The following RAB6A variants were observed in gnomAD, a reference collection of about 807,000 sequenced individuals.
The protein encoded by RAB6A is RAB6A, member RAS oncogene family.
In RAB6A, 8 loss-of-function variants were observed where a neutral mutation model predicts 32.3. The ratio of observed to expected loss-of-function variants is 0.25; its 90% CI spans 0.15 to 0.45. The LOEUF is 0.45. Ranked by LOEUF, RAB6A falls within the 20% of genes least tolerant of loss-of-function variation. The pLI is 1.00. For missense variants in RAB6A, 104 were observed against 249.4 expected (o/e 0.42, Z 3.93); for synonymous variants, 73 against 82.1 (o/e 0.89, Z 0.60).
At chr11:73,695,745 CTTA>C (rs762618018) in intron 6 of RAB6A, among the ~76,000 whole-genome samples, 5 of 152,146 alleles carry the variant, frequency 3.3e-5, no homozygotes, top group Non-Finnish European at 7.4e-5. Flanking sequence ...CCCTAAGAAA[CTTA>C]TTAAGTCCAC....
chr11:73,718,913 T>C (rs878999508), intron 3 of RAB6A, 195 bp from the exon 4 acceptor site: 4 of 1,166,942 alleles, frequency 3.4e-6, no homozygotes, highest in African/African-American at 4.0e-5. Flanking sequence ...AAAAAATAAA[T>C]AAAAAAAAAA....
At chr11:73,695,973 G>A (rs1945648796) in intron 6 of RAB6A, among the ~76,000 whole-genome samples, 1 of 152,118 alleles carries the variant, frequency 6.6e-6, no homozygotes, top group African/African-American at 2.4e-5. Flanking sequence ...ATACACTGGA[G>A]AAGGAGATTT....
chr11:73,709,854 TATATAC>T lies in RAB6A; in HGVS notation c.402-2347_402-2342del, dbSNP rs1271199150. Among the ~76,000 whole-genome samples the T allele has an allele frequency of 6.0e-3, 315 of 52,146 alleles. 2 individuals are homozygous for T. Among genetic ancestry groups the T allele is most frequent in the African/African-American group, 0.014 (276 of 19,148 alleles). The allele number at this position is 52,146 out of a possible 152,430, so 34.2% of individuals were successfully genotyped here. A position where few individuals can be genotyped will look rare whatever the true frequency, so the allele number is the denominator to read the frequency against. Reference sequence around the variant, plus strand: ...ATACATATATACACATATATATACATATATACATATATACACATATACATACATATA... The same window carrying T: ...ATACATATATACACATATATATACATATATATACACATATACATACATATA... On this transcript the variant is annotated intron_variant, in intron 5 of 7. Transcript: ENST00000336083.
intron 1 of RAB6A, among the ~76,000 whole-genome samples, chr11:73,759,758 A>C (rs149685305): frequency 6.6e-6 from 1 of 152,342 alleles, no homozygotes; most frequent in East Asian, 1.9e-4. Flanking sequence ...GATGAGAAAA[A>C]TTCCAAGTAA....
intron 6 of RAB6A, among the ~76,000 whole-genome samples, chr11:73,696,652 C>T (rs1160669641): frequency 6.6e-6 from 1 of 152,026 alleles, no homozygotes; most frequent in Non-Finnish European, 1.5e-5. Context: ...CAAGGTCTTG[C>T]TCTGTCTCCC....
chr11:73,760,040 CT>C (rs1211281294), intron 1 of RAB6A: 1 of 1,289,330 alleles, frequency 7.8e-7, no homozygotes, highest in South Asian at 1.2e-5. Context: ...ACTACCACCC[CT>C]TCCCACCTTC....
chr11:73,737,651 A>G (rs943863597), intron 1 of RAB6A, among the ~76,000 whole-genome samples: 17 of 152,210 alleles, frequency 1.1e-4, no homozygotes, highest in African/African-American at 3.9e-4. Flanking sequence ...GCTTCAAAAC[A>G]AATGAACCTT....
chr11:73,680,118 T>TAAATAATAA (rs1018757821), intron 6 of RAB6A, among the ~76,000 whole-genome samples: 17 of 151,624 alleles, frequency 1.1e-4, no homozygotes, highest in African/African-American at 3.9e-4. Flanking sequence ...AATAAATAAA[T>TAAATAATAA]AATAAAATAA....
intron 1 of RAB6A, among the ~76,000 whole-genome samples, chr11:73,734,465 C>G (rs941661038): frequency 6.6e-6 from 1 of 152,012 alleles, no homozygotes; most frequent in Non-Finnish European, 1.5e-5. Flanking sequence ...AAATGGCAAA[C>G]CCAAATTGGA....
intron 1 of RAB6A, among the ~76,000 whole-genome samples, chr11:73,749,515 A>G (rs1284983129): frequency 6.6e-6 from 1 of 152,146 alleles, no homozygotes; most frequent in African/African-American, 2.4e-5. Flanking sequence ...CTGAAAAATA[A>G]AAGTTGTACA....
chr11:73,703,473 G>A (rs1022098624), intron 6 of RAB6A, among the ~76,000 whole-genome samples: 1 of 152,234 alleles, frequency 6.6e-6, no homozygotes, highest in Non-Finnish European at 1.5e-5. Context: ...CAGATACAGT[G>A]GCTCACGCCT....
chr11:73,679,124 T>G (rs1441966037), intron 7 of RAB6A, among the ~76,000 whole-genome samples: 2 of 152,148 alleles, frequency 1.3e-5, no homozygotes, highest in African/African-American at 4.8e-5. Flanking sequence ...TGCCTGCATA[T>G]GGAAATACAC....
chr11:73,733,088 A>G (rs964425945), intron 1 of RAB6A, among the ~76,000 whole-genome samples: 5 of 152,042 alleles, frequency 3.3e-5, no homozygotes, highest in African/African-American at 4.8e-5. Context: ...TGGGATTACA[A>G]GCATGAGCGT....
intron 1 of RAB6A, among the ~76,000 whole-genome samples, chr11:73,734,854 T>C (rs1946370633): frequency 6.6e-6 from 1 of 152,194 alleles, no homozygotes; most frequent in Non-Finnish European, 1.5e-5. Flanking sequence ...CAACTACAAG[T>C]TGAGTATCTC....
chr11:73,715,047 A>G (rs953130400), intron 5 of RAB6A, among the ~76,000 whole-genome samples: 1 of 152,212 alleles, frequency 6.6e-6, no homozygotes, highest in Non-Finnish European at 1.5e-5. Flanking sequence ...GTTCATGTCC[A>G]AAACATATTT....
chr11:73,704,753 T>C (rs577596834), intron 6 of RAB6A, among the ~76,000 whole-genome samples: 2 of 150,600 alleles, frequency 1.3e-5, no homozygotes, highest in Non-Finnish European at 3.0e-5. Flanking sequence ...TCCCAGCACT[T>C]TGGGAGGCCG....
At chr11:73,748,867 G>A (rs1370715019) in intron 1 of RAB6A, among the ~76,000 whole-genome samples, 2 of 152,150 alleles carry the variant, frequency 1.3e-5, no homozygotes, top group South Asian at 2.1e-4. Context: ...GCTTACACCT[G>A]TAATTCCAAC....
At chr11:73,744,927 A>G (rs551150346) in intron 1 of RAB6A, among the ~76,000 whole-genome samples, 1 of 151,844 alleles carries the variant, frequency 6.6e-6, no homozygotes, top group South Asian at 2.1e-4. Context: ...GTGAGCCGAG[A>G]TCGCGCCACT....
chr11:73,695,089 C>T (rs904028408), intron 6 of RAB6A, among the ~76,000 whole-genome samples: 1 of 151,974 alleles, frequency 6.6e-6, no homozygotes, highest in African/African-American at 2.4e-5. Context: ...ATATATTTAA[C>T]AAACTTGGTG....
Sources: allele counts gnomAD v4.1 joint callset (sites outside exome capture counted in the v4.1 genomes callset), GRCh38; gene constraint gnomAD v4.1.1; transcripts MANE v1.5; gene names NCBI Gene and HGNC (gene_info 2026-07-23, HGNC 2026-07-21).